SUGCT: variants seen among roughly 807,000 people sequenced by gnomAD.
SUGCT encodes the protein succinyl-CoA:glutarate CoA-transferase.
In SUGCT, 41 loss-of-function variants were observed where a neutral mutation model predicts 55.0. That is an observed-to-expected ratio of 0.74 (90% confidence interval 0.58 to 0.97). SUGCT has a LOEUF of 0.97. Among genes scored for constraint, SUGCT ranks in the 50% least tolerant of loss-of-function variants. The pLI is 0.00. For missense variants in SUGCT, 568 were observed against 547.8 expected, an observed-to-expected ratio of 1.04 and a Z score of -0.37; for synonymous variants, 187 against 200.4, an observed-to-expected ratio of 0.93 and a Z score of 0.56.
rs1789763077 is a variant in SUGCT, at chr7:40,245,419, ATATATTTTTTTTTTTTTTTTT to A, written c.576+7695_576+7715del. ...ACGTAGTAGACATATATATATATAT[ATATATTTTTTTTTTTTTTTTT>A]TTTTTTTTTTTTTTTTTGAGATGGA... On this transcript the variant is annotated intron_variant, in intron 7 of 13. Coordinates refer to ENST00000335693, the MANE Select transcript of SUGCT (RefSeq NM_001193313.2). Among the ~76,000 whole-genome samples, 4 of 24,954 alleles carry A rather than the reference ATATATTTTTTTTTTTTTTTTT, an allele frequency of 1.6e-4. 1 individual carries two copies. Among genetic ancestry groups the A allele is most frequent in the East Asian group, 2.0e-3 (2 of 982 alleles). 16.4% of individuals were successfully genotyped at this position (24,954 alleles called of 152,430 possible).
At chr7:40,196,484 T>C (rs1786297648) in intron 6 of SUGCT, among the ~76,000 whole-genome samples, 1 of 152,098 alleles carries the variant, frequency 6.6e-6, no homozygotes, top group South Asian at 2.1e-4. Flanking sequence ...ATAAGCACTT[T>C]TGTTTTTGTT....
chr7:40,380,440 T>C (rs1784813970), intron 9 of SUGCT, among the ~76,000 whole-genome samples: 1 of 152,218 alleles, frequency 6.6e-6, no homozygotes, highest in South Asian at 2.1e-4. Flanking sequence ...CGGAGGTCTT[T>C]ACCCTGCCAT....
At chr7:40,983,913 G>T in the SUGCT span, among the ~76,000 whole-genome samples, 1 of 152,128 alleles carries the variant, frequency 6.6e-6, no homozygotes, top group Admixed American at 6.6e-5. Context: ...AACAAAAAAA[G>T]AATTGGTTGG....
chr7:40,800,975 T>A (rs1207221046), intron 13 of SUGCT, among the ~76,000 whole-genome samples: 1 of 152,166 alleles, frequency 6.6e-6, no homozygotes, highest in African/African-American at 2.4e-5. Flanking sequence ...AGCCAGGAAG[T>A]GCCACTGCCA....
At chr7:40,667,154 G>T (rs939760071) in intron 12 of SUGCT, among the ~76,000 whole-genome samples, 3 of 151,356 alleles carry the variant, frequency 2.0e-5, no homozygotes, top group Admixed American at 1.3e-4. Context: ...TGAATGAAAG[G>T]ACTGATGATT....
chr7:40,459,197 C>A lies in SUGCT; in HGVS notation c.985C>A (p.Arg329=). ...AGAGCTTATTAAAATATTATCTGAA[C>A]GGTAAGTTTGGATGTTGTATTCATC... ...RKELIKILSE[R]FEEELTSKWL... Residue 329 remains arginine, a splice_region_variant and synonymous_variant, in exon 11 of 14, where the codon CGG becomes AGG. Transcript: ENST00000335693. 1 of 1,578,364 alleles carries A rather than the reference C, an allele frequency of 6.3e-7. No individual in the cohort carries two copies. The highest frequency in any genetic ancestry group is 8.7e-7 in the Non-Finnish European group (1 of 1,150,570).
intron 12 of SUGCT, among the ~76,000 whole-genome samples, chr7:40,648,726 G>A (rs755614756): frequency 1.3e-5 from 2 of 152,200 alleles, no homozygotes; most frequent in Non-Finnish European, 2.9e-5. Context: ...GGCAGGAATC[G>A]AAGTGTTATT....
intron 7 of SUGCT, among the ~76,000 whole-genome samples, chr7:40,251,506 T>C (rs890853672): frequency 1.8e-4 from 27 of 152,136 alleles, no homozygotes; most frequent in African/African-American, 6.3e-4. Context: ...AGTGCTGTCC[T>C]TATAGGGTTC....
At chr7:40,944,670 G>T in the SUGCT span, among the ~76,000 whole-genome samples, 1 of 152,180 alleles carries the variant, frequency 6.6e-6, no homozygotes, top group African/African-American at 2.4e-5. Flanking sequence ...GGTTACTGTA[G>T]CCTTTTAGTA....
At chr7:40,506,428 A>C (rs967470420) in intron 12 of SUGCT, among the ~76,000 whole-genome samples, 1 of 152,086 alleles carries the variant, frequency 6.6e-6, no homozygotes, top group African/African-American at 2.4e-5. Flanking sequence ...TCAAGGACGA[A>C]AGATTTCCTC....
At chr7:40,161,605 G>A (rs987744869) in intron 1 of SUGCT, among the ~76,000 whole-genome samples, 5 of 152,198 alleles carry the variant, frequency 3.3e-5, no homozygotes, top group African/African-American at 9.7e-5. Flanking sequence ...AGTCTTCTCC[G>A]TAGGAGAATC....
chr7:40,653,987 A>G (rs1411619335), intron 12 of SUGCT, among the ~76,000 whole-genome samples: 1 of 151,956 alleles, frequency 6.6e-6, no homozygotes, highest in Non-Finnish European at 1.5e-5. Context: ...AAACCACAAC[A>G]ACAACAATTA....
chr7:40,880,454 C>A, the SUGCT span, among the ~76,000 whole-genome samples: 2 of 152,134 alleles, frequency 1.3e-5, no homozygotes, highest in Non-Finnish European at 2.9e-5. Context: ...AATCTTTCAT[C>A]TTATGATTTC....
chr7:40,275,609 A>G (rs547997443), intron 8 of SUGCT, among the ~76,000 whole-genome samples: 15 of 152,276 alleles, frequency 9.9e-5, no homozygotes, highest in Non-Finnish European at 1.5e-4. Context: ...CATAGGTACC[A>G]CTAATATTCT....
At chr7:40,959,239 C>T in the SUGCT span, among the ~76,000 whole-genome samples, 2 of 152,232 alleles carry the variant, frequency 1.3e-5, no homozygotes, top group Non-Finnish European at 2.9e-5. Flanking sequence ...CATGCCAGAA[C>T]ATTTAAGTCT....
intron 12 of SUGCT, among the ~76,000 whole-genome samples, chr7:40,505,589 T>G (rs1337062118): frequency 6.6e-6 from 1 of 152,134 alleles, no homozygotes; most frequent in East Asian, 1.9e-4. Flanking sequence ...TGACTTCAGT[T>G]TTGTACTGAT....
At chr7:40,338,317 C>A (rs1796834038) in intron 9 of SUGCT, among the ~76,000 whole-genome samples, 1 of 152,172 alleles carries the variant, frequency 6.6e-6, no homozygotes, top group African/African-American at 2.4e-5. Context: ...TGGGGAAATT[C>A]TCCTGGATAA....
At chr7:40,940,463 C>T in the SUGCT span, among the ~76,000 whole-genome samples, 1 of 151,884 alleles carries the variant, frequency 6.6e-6, no homozygotes, top group East Asian at 1.9e-4. Flanking sequence ...CTGTAAATTG[C>T]TTTGGTCAGT....
intron 11 of SUGCT, among the ~76,000 whole-genome samples, chr7:40,476,045 A>G (rs1790656176): frequency 6.6e-6 from 1 of 152,042 alleles, no homozygotes; most frequent in Non-Finnish European, 1.5e-5. Context: ...TCTCAGTTCT[A>G]ATCCTGGCTC....
Sources: gnomAD v4.1 joint callset for allele counts (sites outside exome capture counted in the v4.1 genomes callset) on GRCh38, gnomAD v4.1.1 for gene constraint, MANE v1.5 for transcripts, NCBI Gene and HGNC (gene_info 2026-07-23, HGNC 2026-07-21) for gene names.